Variants in GABRA4 observed in about 807,000 individuals in gnomAD.
GABRA4 encodes the protein gamma-aminobutyric acid type A receptor subunit alpha4, also known as gamma-aminobutyric acid receptor subunit alpha-4.
A neutral mutation model predicts 49.7 loss-of-function variants in GABRA4; 12 were observed. The observed-to-expected ratio is 0.24, with a 90% CI of 0.15 to 0.39. The LOEUF is 0.39. Among genes scored for constraint, GABRA4 ranks in the 10% least tolerant of loss-of-function variants. The pLI, the probability that GABRA4 is intolerant of heterozygous loss-of-function variation, is 1.00. For synonymous variants in GABRA4, 288 were observed against 240.2 expected, an observed-to-expected ratio of 1.20 and a Z score of -1.84; for missense variants, 506 against 686.0, an observed-to-expected ratio of 0.74 and a Z score of 2.93.
chr4:46,958,455 T>C (rs2109366022), intron 8 of GABRA4, among the ~76,000 whole-genome samples: 1 of 152,094 alleles, frequency 6.6e-6, no homozygotes, highest in East Asian at 1.9e-4. Flanking sequence ...AAGAAAGCTT[T>C]ATTTTTTGTT....
At chr4:46,931,432 G>C (rs977929687) in intron 8 of GABRA4, among the ~76,000 whole-genome samples, 1 of 152,092 alleles carries the variant, frequency 6.6e-6, no homozygotes, top group Non-Finnish European at 1.5e-5. Flanking sequence ...AAACATTTAA[G>C]TTCTTTCGTT....
At chr4:46,970,166 C>T (rs1463012988) in intron 7 of GABRA4, among the ~76,000 whole-genome samples, 2 of 151,316 alleles carry the variant, frequency 1.3e-5, no homozygotes, top group Non-Finnish European at 3.0e-5. Flanking sequence ...GAAAAGTTCC[C>T]GTTCTATTTA....
chr4:46,933,797 GC>G (rs760566228), intron 8 of GABRA4, among the ~76,000 whole-genome samples: 3 of 152,116 alleles, frequency 2.0e-5, no homozygotes, highest in Non-Finnish European at 4.4e-5. Flanking sequence ...ACAAGAAAAA[GC>G]ACCTAAGCTT....
intron 8 of GABRA4, among the ~76,000 whole-genome samples, chr4:46,963,649 C>T (rs1401978585): frequency 6.6e-6 from 1 of 151,724 alleles, no homozygotes; most frequent in Admixed American, 6.6e-5. Context: ...TGGACTAATA[C>T]AGCAGACATT....
At chr4:46,935,519 A>G (rs1721576088) in intron 8 of GABRA4, among the ~76,000 whole-genome samples, 1 of 152,160 alleles carries the variant, frequency 6.6e-6, no homozygotes, top group Non-Finnish European at 1.5e-5. Context: ...TTTAGAAGAC[A>G]ATATTATACG....
chr4:46,958,684 C>A (rs1560472566), intron 8 of GABRA4, among the ~76,000 whole-genome samples: 1 of 151,800 alleles, frequency 6.6e-6, no homozygotes, highest in Non-Finnish European at 1.5e-5. Context: ...CTCAAGCTAC[C>A]CATAGATGCT....
At position 46,920,607 on chromosome 4, in the gene GABRA4, C is replaced by G. The variant is rs372109634; in HGVS notation, c.*7618G>C. 22 of 151,766 alleles carry G rather than the reference C, an allele frequency of 1.4e-4. No individual in the cohort carries two copies. In the South Asian group the frequency reaches 1.5e-3, roughly 10 times the overall value. The allele number at this position is 151,766 out of a possible 1,614,324, so 9.4% of individuals were successfully genotyped here. ...ATCAAATTGTGTAAATCCACATTAT[C>G]TCCATATTTTACATTCTATTTTGCT... On this transcript the variant is annotated 3_prime_UTR_variant, in exon 9 of 9. Coordinates refer to ENST00000264318, the MANE Select transcript of GABRA4 (RefSeq NM_000809.4).
rs1553904323 is a variant in GABRA4, at chr4:46,959,772, A to AAAG, written c.1134+5197_1134+5198insCTT. Among the ~76,000 whole-genome samples, 102 of 148,446 alleles carry AAAG rather than the reference A, an allele frequency of 6.9e-4. 2 individuals are homozygous for AAAG. Among genetic ancestry groups the AAAG allele is most frequent in the African/African-American group, 2.0e-3 (83 of 40,836 alleles). ...TCATCACTTTGCAAAAAAAAAAAAA[A>AAAG]AAAAGAAAAGAAAACTCTATCAACT... On this transcript the variant is annotated intron_variant, in intron 8 of 8. Transcript: ENST00000264318.
chr4:46,926,289 T>C lies in GABRA4; in HGVS notation c.*1936A>G, dbSNP rs991714673. 1 of 151,978 alleles carries C rather than the reference T, an allele frequency of 6.6e-6. No individual in the cohort carries two copies. Among genetic ancestry groups the C allele is most frequent in the Non-Finnish European group, 1.5e-5 (1 of 67,916 alleles). The allele number at this position is 151,978 out of a possible 1,614,324, so 9.4% of individuals were successfully genotyped here. ...TTTATGATAAGCTTTTTTGTACAAGTACTCTTTATTAAATATATACATATA... is the reference window on the plus strand; with the variant it reads ...TTTATGATAAGCTTTTTTGTACAAGCACTCTTTATTAAATATATACATATA... On this transcript the variant is annotated 3_prime_UTR_variant, in exon 9 of 9. Coordinates refer to ENST00000264318, the MANE Select transcript of GABRA4 (RefSeq NM_000809.4).
chr4:46,988,378 T>C (rs10517176), intron 2 of GABRA4, among the ~76,000 whole-genome samples: 2,483 of 152,278 alleles, frequency 0.016, 62 homozygotes, highest in African/African-American at 0.056. Context: ...GGTCTCTCAA[T>C]ACAGATAGGT....
At position 46,979,081 on chromosome 4, in the gene GABRA4, T is replaced by C; in HGVS notation, c.223A>G (p.Lys75Glu). Residue 75 changes from lysine to glutamate, a missense_variant, in exon 3 of 9, where the codon AAA becomes GAA. This residue lies in a region of GABRA4 where 195 missense variants were observed against 326.0 expected (regional missense o/e 0.60). Transcript: ENST00000264318. ...AAGCTGGTGACATATATGTCAGTTT[T>C]CACTTCTGTAACAGGACCTAACGGG... ...PGFGGPVTEVKTDIYVTSFGP... is the reference protein window; with the variant it reads ...PGFGGPVTEVETDIYVTSFGP... 6.2e-7 allele frequency: 1 copy of C among 1,609,144 alleles called. No individual in the cohort carries two copies. The highest frequency in any genetic ancestry group is 8.5e-7 in the Non-Finnish European group (1 of 1,176,118).
rs1722715774 is a variant in GABRA4 at position 46,965,297 on chromosome 4, C to A, written c.875-68G>T. ...TTTGTATTAAAAAGCACCGCCACCA[C>A]CAACAAAAACCTAGAAAATCATGTG... is the stretch of plus-strand genomic sequence containing the variant. On this transcript the variant is annotated intron_variant, in intron 7 of 8. Coordinates refer to ENST00000264318, the MANE Select transcript of GABRA4 (RefSeq NM_000809.4). 16 of 1,275,898 alleles carry A rather than the reference C, an allele frequency of 1.3e-5. No homozygotes were observed. The South Asian group carries it at 3.1e-4, about 25-fold the overall frequency. 79.0% of individuals were successfully genotyped at this position (1,275,898 alleles called of 1,614,324 possible). A position where few individuals can be genotyped will look rare whatever the true frequency, so the allele number is the denominator to read the frequency against.
At chr4:46,932,647 C>G (rs1256352813) in intron 8 of GABRA4, among the ~76,000 whole-genome samples, 1 of 152,106 alleles carries the variant, frequency 6.6e-6, no homozygotes, top group Admixed American at 6.6e-5. Flanking sequence ...CAAACACTGT[C>G]AAGTTAACAT....
chr4:46,938,558 A>G (rs1475704905), intron 8 of GABRA4, among the ~76,000 whole-genome samples: 7 of 152,148 alleles, frequency 4.6e-5, no homozygotes, highest in Admixed American at 6.6e-5. Flanking sequence ...AAGGTGAGGA[A>G]GTCTTTGATG....
rs1721107655 is a variant in GABRA4 at position 46,923,472 on chromosome 4, T to A, written c.*4753A>T. 1 of 152,152 alleles carries A rather than the reference T, an allele frequency of 6.6e-6. No individual in the cohort carries two copies. The highest frequency in any genetic ancestry group is 6.6e-5 in the Admixed American group (1 of 15,258). 9.4% of individuals were successfully genotyped at this position (152,152 alleles called of 1,614,324 possible). ...ACAAACATATCCAAATACAAAATAT[T>A]TCTGATTTCTGGGTGGTAGAATTTT... On this transcript the variant is annotated 3_prime_UTR_variant, in exon 9 of 9. Transcript: ENST00000264318.
intron 6 of GABRA4, among the ~76,000 whole-genome samples, chr4:46,972,645 T>C (rs1468566311): frequency 2.0e-5 from 3 of 151,622 alleles, no homozygotes; most frequent in African/African-American, 7.3e-5. Flanking sequence ...AATTTTTAAG[T>C]AGACAATACA....
At chr4:46,974,594 A>T (rs1723071356) in intron 5 of GABRA4, among the ~76,000 whole-genome samples, 1 of 151,946 alleles carries the variant, frequency 6.6e-6, no homozygotes, top group Admixed American at 6.6e-5. Context: ...ACTCAACAGT[A>T]TTTATTTTTT....
chr4:46,952,153 T>C (rs1289906719), intron 8 of GABRA4, among the ~76,000 whole-genome samples: 2 of 152,026 alleles, frequency 1.3e-5, no homozygotes, highest in Non-Finnish European at 2.9e-5. Flanking sequence ...TGGTCATCGA[T>C]ATGAAGATAT....
At chr4:46,934,805 C>T (rs1159396) in intron 8 of GABRA4, among the ~76,000 whole-genome samples, 78,592 of 151,920 alleles carry the variant, frequency 0.52, 20,510 homozygotes, top group East Asian at 0.66. Flanking sequence ...GTATGGTAGA[C>T]ACATGGCTCC....
Sources: allele counts gnomAD v4.1 joint callset (sites outside exome capture counted in the v4.1 genomes callset), GRCh38; gene constraint gnomAD v4.1.1; regional missense constraint gnomAD v4.1.1; transcripts MANE v1.5; gene names NCBI Gene and HGNC (gene_info 2026-07-23, HGNC 2026-07-21).